The following EEF1G variants were observed in gnomAD, a reference collection of about 807,000 sequenced individuals.
EEF1G encodes the protein eukaryotic translation elongation factor 1 gamma.
Under a neutral mutation model 58.3 loss-of-function variants are expected in EEF1G, and 14 were observed. The observed-to-expected ratio is 0.24, with a 90% CI of 0.16 to 0.38. EEF1G has a LOEUF of 0.38. Ranked by LOEUF, EEF1G falls within the 10% of genes least tolerant of loss-of-function variation. The pLI is 1.00. For missense variants in EEF1G, 322 were observed against 550.1 expected, an observed-to-expected ratio of 0.59 and a Z score of 4.15; for synonymous variants, 180 against 206.8, an observed-to-expected ratio of 0.87 and a Z score of 1.11.
At chr11:62,563,232 T>G (rs1941519241) in intron 7 of EEF1G, among the ~76,000 whole-genome samples, 1 of 152,040 alleles carries the variant, frequency 6.6e-6, no homozygotes, top group African/African-American at 2.4e-5. Context: ...GTTCACGCCA[T>G]TCTCCTGCCT....
chr11:62,568,738 C>T lies in EEF1G; in HGVS notation c.523-1210G>A, dbSNP rs562676034. On this transcript the variant is annotated intron_variant, in intron 5 of 9. Transcript: ENST00000329251. The stretch of plus-strand genomic sequence containing the variant: ...CTATAATCCCAGCACTTTGGGAGGC[C>T]GAGGCGGGCAGATAACCTGAGGTCA... 9.2e-5 allele frequency among the ~76,000 whole-genome samples: 14 copies of T among 152,056 alleles called. No homozygotes were observed. In the South Asian group the frequency reaches 1.7e-3, roughly 18 times the overall value.
chr11:62,568,116 T>A (rs2134294421), intron 5 of EEF1G, among the ~76,000 whole-genome samples: 1 of 151,742 alleles, frequency 6.6e-6, no homozygotes, highest in Non-Finnish European at 1.5e-5. Context: ...TAGTCCCAGC[T>A]ACTCGGGACG....
At chr11:62,562,444 A>G (rs1941507642) in intron 7 of EEF1G, among the ~76,000 whole-genome samples, 1 of 152,182 alleles carries the variant, frequency 6.6e-6, no homozygotes, top group Non-Finnish European at 1.5e-5. Flanking sequence ...TGCTGACTGA[A>G]GAAAATCACC....
chr11:62,571,737 A>C (rs1018061306), intron 3 of EEF1G, 55 bp from the exon 4 acceptor site: 3 of 1,567,822 alleles, frequency 1.9e-6, no homozygotes, highest in Non-Finnish European at 2.6e-6. Flanking sequence ...ACACCAGTCC[A>C]GGTCCTGGAG....
chr11:62,570,936 C>T, intron 5 of EEF1G, 29 bp downstream of exon 5: 1 of 1,613,424 alleles, frequency 6.2e-7, no homozygotes, highest in Non-Finnish European at 8.5e-7. Flanking sequence ...CATCTACCCA[C>T]TGCCAAATGG....
chr11:62,561,821 T>C (rs575005660), intron 7 of EEF1G, among the ~76,000 whole-genome samples: 1 of 152,300 alleles, frequency 6.6e-6, no homozygotes, highest in East Asian at 1.9e-4. Flanking sequence ...TTGCTTCTCA[T>C]GTAAATAAGA....
chr11:62,573,598 A>G, intron 1 of EEF1G: 1 of 630,302 alleles, frequency 1.6e-6, no homozygotes, highest in Non-Finnish European at 2.8e-6. Context: ...GACGGCCCAG[A>G]CCCGGCATCT....
At chr11:62,573,797 GGAT>G (rs758152342) in intron 1 of EEF1G, 31 bp downstream of exon 1, 3 of 1,613,346 alleles carry the variant, frequency 1.9e-6, no homozygotes, top group Non-Finnish European at 2.5e-6. Flanking sequence ...GCGGTGGATA[GGAT>G]GACCCGAACC....
chr11:62,573,541 C>A (rs991902226), intron 1 of EEF1G: 4 of 555,478 alleles, frequency 7.2e-6, no homozygotes, highest in African/African-American at 5.7e-5. Context: ...TGCCCAGATA[C>A]CACGCCTCAA....
chr11:62,570,218 C>A (rs563408770), intron 5 of EEF1G, among the ~76,000 whole-genome samples: 2 of 152,178 alleles, frequency 1.3e-5, no homozygotes, highest in East Asian at 3.9e-4. Context: ...CCTACCACCA[C>A]GCCCGGCTAA....
rs1186857901 is a variant in EEF1G at position 62,571,082 on chromosome 11, C to T, written c.405G>A (p.Val135=). 6.2e-7 allele frequency: 1 copy of T among 1,613,874 alleles called. No homozygotes were observed. Among genetic ancestry groups the T allele is most frequent in the African/African-American group, 1.3e-5 (1 of 74,914 alleles). Reference sequence around the variant, plus strand: ...CATCCAGCAGCCCCAGAATTCGCCTCACTTCCTCCTTTGCATTCTCAGTGG... The same window carrying T: ...CATCCAGCAGCCCCAGAATTCGCCTTACTTCCTCCTTTGCATTCTCAGTGG... ...KQATENAKEE[V]RRILGLLDAY... Residue 135 remains valine (V), a synonymous_variant, in exon 5 of 10, where the codon GTG becomes GTA. Coordinates refer to ENST00000329251, the MANE Select transcript of EEF1G (RefSeq NM_001404.5).
intron 1 of EEF1G, chr11:62,573,490 CCT>C (rs377577947): frequency 1.3e-4 from 57 of 446,670 alleles, no homozygotes; most frequent in East Asian, 1.7e-4. Context: ...CAACCTGTCC[CCT>C]GTGTTACTCC....
intron 9 of EEF1G, 49 bp from the exon 10 acceptor site, chr11:62,559,886 C>T (rs764441055): frequency 1.4e-5 from 23 of 1,613,344 alleles, no homozygotes; most frequent in Admixed American, 8.3e-5. Context: ...CACCACCCCA[C>T]ACCTGTGTTA....
intron 7 of EEF1G, among the ~76,000 whole-genome samples, chr11:62,563,327 G>A (rs1441476052): frequency 2.0e-5 from 3 of 151,976 alleles, no homozygotes; most frequent in Admixed American, 6.6e-5. Flanking sequence ...AGTAGAGACG[G>A]TATTTTTACC....
At chr11:62,560,601 A>C (rs1001006923) in intron 7 of EEF1G, 147 bp from the exon 8 acceptor site, 31 of 912,722 alleles carry the variant, frequency 3.4e-5, no homozygotes, top group African/African-American at 1.0e-4. Context: ...GAGGGAAGTA[A>C]GCTCAAGGGG....
intron 6 of EEF1G, 76 bp from the exon 7 acceptor site, chr11:62,567,086 G>T: frequency 6.7e-7 from 1 of 1,492,164 alleles, no homozygotes; most frequent in South Asian, 1.2e-5. Flanking sequence ...CACAGAGCAA[G>T]CAAGGTAACA....
chr11:62,565,999 G>GT (rs1236106753), intron 7 of EEF1G, among the ~76,000 whole-genome samples: 1 of 152,140 alleles, frequency 6.6e-6, no homozygotes, highest in Non-Finnish European at 1.5e-5. Flanking sequence ...AAATGACAGG[G>GT]TGAGTGGGAG....
At position 62,571,125 on chromosome 11, in the gene EEF1G, AT is replaced by A. The variant is rs1941625267; in HGVS notation, c.379-18del. On this transcript the variant is annotated intron_variant, in intron 4 of 9. Coordinates refer to ENST00000329251, the MANE Select transcript of EEF1G (RefSeq NM_001404.5). ...CTCAGTGGCCTAGTGATTCAACATG[AT>A]AAAACTCATCAGTGGGTACCAATCC... 1 of 1,613,718 alleles carries A rather than the reference AT, an allele frequency of 6.2e-7. No homozygotes were observed. Among genetic ancestry groups the A allele is most frequent in the Admixed American group, 1.7e-5 (1 of 59,988 alleles).
chr11:62,569,094 C>CACAT (rs1488015279), intron 5 of EEF1G, among the ~76,000 whole-genome samples: 4 of 149,942 alleles, frequency 2.7e-5, no homozygotes, highest in Admixed American at 2.0e-4. Flanking sequence ...CGCACACACA[C>CACAT]ACACACACCC....
Sources: gnomAD v4.1 joint callset for allele counts (sites outside exome capture counted in the v4.1 genomes callset) on GRCh38, gnomAD v4.1.1 for gene constraint, MANE v1.5 for transcripts, NCBI Gene and HGNC (gene_info 2026-07-23, HGNC 2026-07-21) for gene names.